GARIN5A: variants seen among roughly 807,000 people sequenced by gnomAD.
The protein encoded by GARIN5A is Golgi-associated RAB2 interactor protein 5A.
the GARIN5A span, among the ~76,000 whole-genome samples, chr19:50,472,115 T>C: frequency 6.6e-6 from 1 of 151,320 alleles, no homozygotes; most frequent in Admixed American, 6.6e-5. Context: ...TACGTGTGTA[T>C]ATGTATATAT....
At chr19:50,470,716 G>A in the GARIN5A span, among the ~76,000 whole-genome samples, 5 of 146,206 alleles carry the variant, frequency 3.4e-5, no homozygotes, top group East Asian at 4.3e-4. Context: ...GTGTAATGGC[G>A]CGATCTTGGC....
At chr19:50,476,364 G>C in the GARIN5A span, 1 of 1,572,030 alleles carries the variant, frequency 6.4e-7, no homozygotes, top group Non-Finnish European at 8.6e-7. Context: ...GGCTCCTGGA[G>C]ATCAGGCCAA....
chr19:50,470,965 TTTTTA>T, the GARIN5A span, among the ~76,000 whole-genome samples: 126 of 152,050 alleles, frequency 8.3e-4, no homozygotes, highest in African/African-American at 2.9e-3. Flanking sequence ...TGGCTACTGC[TTTTTA>T]TTTTATTTTT....
the GARIN5A span, among the ~76,000 whole-genome samples, chr19:50,471,806 G>A: frequency 6.1e-5 from 9 of 148,162 alleles, no homozygotes; most frequent in East Asian, 1.2e-3. Flanking sequence ...ATGTGTATAC[G>A]CATACATACC....
chr19:50,475,304 G>A, the GARIN5A span: 7 of 1,567,018 alleles, frequency 4.5e-6, no homozygotes, highest in Middle Eastern at 4.6e-4. Flanking sequence ...AAGGGGTCTC[G>A]GCTGAGGTGG....
chr19:50,475,539 G>A, the GARIN5A span: 1 of 1,326,646 alleles, frequency 7.5e-7, no homozygotes, highest in Non-Finnish European at 1.0e-6. Context: ...TCTTGGTAGG[G>A]GAAAAGGTCA....
chr19:50,474,946 GCTCT>G, the GARIN5A span, among the ~76,000 whole-genome samples: 1 of 152,044 alleles, frequency 6.6e-6, no homozygotes, highest in African/African-American at 2.4e-5. Flanking sequence ...CTGGCTCCCG[GCTCT>G]CTGAGCCTCA....
the GARIN5A span, chr19:50,467,672 G>A: frequency 1.0e-5 from 16 of 1,584,242 alleles, no homozygotes; most frequent in African/African-American, 2.7e-5. Flanking sequence ...AAGCGCAGGC[G>A]GTAGAGCAGC....
chr19:50,475,006 G>A, the GARIN5A span, among the ~76,000 whole-genome samples: 1 of 152,344 alleles, frequency 6.6e-6, no homozygotes, highest in African/African-American at 2.4e-5. Context: ...ACCATGTGAA[G>A]ATATGAGGTC....
At chr19:50,476,508 C>G in the GARIN5A span, 655 of 1,571,300 alleles carry the variant, frequency 4.2e-4, 5 homozygotes, top group African/African-American at 8.3e-3. Context: ...CGGCTCTTGG[C>G]TCACAGCCGT....
the GARIN5A span, among the ~76,000 whole-genome samples, chr19:50,473,649 C>T: frequency 1.3e-5 from 2 of 152,018 alleles, no homozygotes; most frequent in Non-Finnish European, 2.9e-5. Flanking sequence ...CATGAGTCAC[C>T]ATACCCGGCA....
the GARIN5A span, among the ~76,000 whole-genome samples, chr19:50,472,468 G>C: frequency 2.6e-5 from 4 of 152,082 alleles, no homozygotes; most frequent in East Asian, 7.7e-4. Context: ...GTTCATTTGG[G>C]AAGGGGTTTT....
the GARIN5A span, among the ~76,000 whole-genome samples, chr19:50,472,248 T>C: frequency 1.2e-4 from 12 of 96,218 alleles, no homozygotes; most frequent in African/African-American, 7.8e-4. Context: ...GTGTATTATA[T>C]ATACATGTAT....
At chr19:50,467,546 C>G in the GARIN5A span, 91 of 1,510,306 alleles carry the variant, frequency 6.0e-5, no homozygotes, top group Admixed American at 9.9e-5. Context: ...CGCTTCCCCC[C>G]TCTCCTCACC....
At chr19:50,472,141 T>C in the GARIN5A span, among the ~76,000 whole-genome samples, 2 of 127,974 alleles carry the variant, frequency 1.6e-5, no homozygotes, top group Admixed American at 8.1e-5. Flanking sequence ...TGTATATGTA[T>C]GTATACGTGT....
chr19:50,472,192 ATG>A, the GARIN5A span, among the ~76,000 whole-genome samples: 8 of 107,096 alleles, frequency 7.5e-5, no homozygotes, highest in Admixed American at 9.5e-5. Flanking sequence ...GTATACATGT[ATG>A]TGTGCATGTA....
At chr19:50,476,620 C>T in the GARIN5A span, 41 of 1,555,200 alleles carry the variant, frequency 2.6e-5, no homozygotes, top group Non-Finnish European at 3.4e-5. Flanking sequence ...CAGTCGAGCC[C>T]GGGGCAGCGG....
At chr19:50,470,666 T>TC in the GARIN5A span, among the ~76,000 whole-genome samples, 1 of 150,414 alleles carries the variant, frequency 6.6e-6, no homozygotes, top group Non-Finnish European at 1.5e-5. Context: ...TGTTTTTTTT[T>TC]TTTTTTGAGA....
chr19:50,471,933 T>C, the GARIN5A span, among the ~76,000 whole-genome samples: 1 of 150,074 alleles, frequency 6.7e-6, no homozygotes, highest in Non-Finnish European at 1.5e-5. Flanking sequence ...TATACATGTA[T>C]GTGTGTAAGT....
Sources: allele counts gnomAD v4.1 joint callset (sites outside exome capture counted in the v4.1 genomes callset), GRCh38; gene constraint gnomAD v4.1.1; transcripts MANE v1.5; gene names NCBI Gene and HGNC (gene_info 2026-07-23, HGNC 2026-07-21).